Variants in AKNA observed in about 807,000 individuals in gnomAD.
The protein encoded by AKNA is AT-hook transcription factor, also known as microtubule organization protein AKNA.
AKNA carries 67 observed loss-of-function variants against 138.8 expected under a neutral mutation model. The ratio of observed to expected loss-of-function variants is 0.48; its 90% confidence interval spans 0.40 to 0.59. The LOEUF is 0.59. Ranked by LOEUF, AKNA falls within the 20% of genes least tolerant of loss-of-function variation. AKNA has a pLI of 0.00. For synonymous variants in AKNA, 737 were observed against 754.4 expected, an observed-to-expected ratio of 0.98 and a Z score of 0.38; for missense variants, 1,813 against 1,880.4, an observed-to-expected ratio of 0.96 and a Z score of 0.66.
At chr9:114,346,430 T>G (rs1394242377) in intron 17 of AKNA, among the ~76,000 whole-genome samples, 1 of 152,234 alleles carries the variant, frequency 6.6e-6, no homozygotes, top group Non-Finnish European at 1.5e-5. Flanking sequence ...AATATGACCA[T>G]CTTGCAGTGG....
intron 4 of AKNA, among the ~76,000 whole-genome samples, 155 bp downstream of exon 4, chr9:114,373,938 T>C (rs549941374): frequency 7.1e-6 from 1 of 140,508 alleles, no homozygotes; most frequent in Admixed American, 7.1e-5. Flanking sequence ...CTGCCCAAGG[T>C]CACAGAGGGA....
chr9:114,332,837 C>T (rs770038835), downstream of AKNA, among the ~76,000 whole-genome samples: 7 of 152,168 alleles, frequency 4.6e-5, no homozygotes. Context: ...CAGTAAATGC[C>T]AGTGGTTCTT....
Position 114,345,172 on chromosome 9 carries a change from GTTCAAGAGA to G in AKNA, c.3661+682_3661+690del, listed in dbSNP as rs1278925985. 10 of 152,100 alleles carry G rather than the reference GTTCAAGAGA, an allele frequency of 6.6e-5. No homozygotes were observed. The South Asian group carries it at 1.9e-3, about 28-fold the overall frequency. The allele number at this position is 152,100 out of a possible 1,614,324, so 9.4% of individuals were successfully genotyped here. A position where few individuals can be genotyped will look rare whatever the true frequency, so the allele number is the denominator to read the frequency against. On this transcript the variant is annotated intron_variant, in intron 18 of 21. Coordinates refer to ENST00000374088, the MANE Select transcript of AKNA (RefSeq NM_001317950.2). ...GCTCACTGCAACCTCTGCCTCCTGG[GTTCAAGAGA>G]TTCTTGTGCCTCAGCCTCCCAAATA...
intron 6 of AKNA, among the ~76,000 whole-genome samples, chr9:114,365,839 T>G (rs1457751752): frequency 1.3e-5 from 2 of 152,268 alleles, no homozygotes; most frequent in Non-Finnish European, 1.5e-5. Flanking sequence ...CAGTCACATG[T>G]GGCCAGCAGC....
At chr9:114,357,790 T>C in intron 12 of AKNA, 131 bp downstream of exon 12, 2 of 1,431,390 alleles carry the variant, frequency 1.4e-6, no homozygotes, top group Non-Finnish European at 1.9e-6. Context: ...GGTGGGATTG[T>C]GGCTGGCAGG....
chr9:114,349,693 C>T (rs757152257), intron 15 of AKNA, among the ~76,000 whole-genome samples: 2 of 152,212 alleles, frequency 1.3e-5, no homozygotes, highest in African/African-American at 4.8e-5. Flanking sequence ...CTCCCCTTAC[C>T]CATGGCCTTC....
downstream of AKNA, chr9:114,331,575 C>T (rs201320192): frequency 1.2e-5 from 20 of 1,613,238 alleles, no homozygotes; most frequent in South Asian, 1.4e-4. Context: ...AGAGGGAGGC[C>T]GAGAACATGT....
At position 114,362,496 on chromosome 9, in the gene AKNA, T is replaced by C; in HGVS notation, c.1826A>G (p.Glu609Gly). 1 of 1,613,458 alleles carries C rather than the reference T, an allele frequency of 6.2e-7. No homozygotes were observed. The highest frequency in any genetic ancestry group is 2.2e-5 in the East Asian group (1 of 44,856). The change falls in exon 8 of 22, where the codon GAG becomes GGG. Residue 609 changes from glutamate (E) to glycine (G), a missense_variant. By Grantham distance (98) the Glu-to-Gly change is moderately conservative. Transcript: ENST00000374088. Reference protein sequence around the residue: ...QRLKAAHAALEEEYLKACREQ... With the variant: ...QRLKAAHAALGEEYLKACREQ... Reference sequence around the variant, plus strand: ...CCGACAAGCCTTCAGGTACTCCTCCTCTAGGGCCGCGTGGGCAGCCTTCAG... The same window carrying C: ...CCGACAAGCCTTCAGGTACTCCTCCCCTAGGGCCGCGTGGGCAGCCTTCAG...
rs551452333 is a variant in AKNA at position 114,363,671 on chromosome 9, A to G, written c.1788+889T>C. 2.0e-5 allele frequency among the ~76,000 whole-genome samples: 3 copies of G among 152,164 alleles called. No homozygotes were observed. In the East Asian group the frequency reaches 5.8e-4, roughly 29 times the overall value. ...TCCCACCCTGCTCTGTGCTTTGAGC[A>G]TCAGGGCTGTCTACCTGCTGGCTTC... On this transcript the variant is annotated intron_variant, in intron 7 of 21. Coordinates refer to ENST00000374088, the MANE Select transcript of AKNA (RefSeq NM_001317950.2).
intron 8 of AKNA, 110 bp downstream of exon 8, chr9:114,362,296 T>C (rs1832025791): frequency 7.1e-7 from 1 of 1,411,190 alleles, no homozygotes; most frequent in African/African-American, 1.4e-5. Flanking sequence ...AAGATTTCTC[T>C]CTATTCCCCG....
intron 5 of AKNA, among the ~76,000 whole-genome samples, 172 bp from the exon 6 acceptor site, chr9:114,367,869 T>C (rs1419973161): frequency 6.6e-6 from 1 of 152,190 alleles, no homozygotes; most frequent in Non-Finnish European, 1.5e-5. Flanking sequence ...TGTCCCCCAT[T>C]TACAAGGGAG....
intron 5 of AKNA, 155 bp downstream of exon 5, chr9:114,368,284 G>T: frequency 1.2e-6 from 1 of 827,170 alleles, no homozygotes; most frequent in Non-Finnish European, 1.7e-6. Flanking sequence ...CCACATCTCT[G>T]ACCCTTTTGA....
intron 14 of AKNA, among the ~76,000 whole-genome samples, chr9:114,354,260 A>T (rs1235758067): frequency 6.6e-6 from 1 of 152,120 alleles, no homozygotes; most frequent in Non-Finnish European, 1.5e-5. Flanking sequence ...ACAGACACAC[A>T]CACACATTAG....
Position 114,355,960 on chromosome 9 carries a change from T to C in AKNA, c.3023A>G (p.Asn1008Ser). The C allele has an allele frequency of 2.5e-6, 4 of 1,614,202 alleles. No individual in the cohort carries two copies. The highest frequency in any genetic ancestry group is 3.4e-6 in the Non-Finnish European group (4 of 1,180,034). ...PSGPLRQRAP[N>S]FSLERTLAAE... ...TGCCAGTGTCCGCTCCAGGCTGAAG[T>C]TGGGTGCCCTCTGCCGGAGAGGCCC... The change falls in exon 14 of 22, where the codon AAC becomes AGC. Residue 1008 changes from asparagine to serine, a missense_variant. Asn to Ser is a conservative substitution (Grantham distance 46). Transcript: ENST00000374088.
chr9:114,352,848 G>T (rs1416613799), intron 14 of AKNA, among the ~76,000 whole-genome samples: 2 of 152,066 alleles, frequency 1.3e-5, no homozygotes, highest in Non-Finnish European at 2.9e-5. Flanking sequence ...TTGAACCCGG[G>T]AGGTGGATGT....
intron 6 of AKNA, among the ~76,000 whole-genome samples, chr9:114,367,232 T>C (rs1276505740): frequency 6.6e-6 from 1 of 152,102 alleles, no homozygotes; most frequent in South Asian, 2.1e-4. Flanking sequence ...CCTTCCAGAA[T>C]CCTGAAAGAG....
chr9:114,350,296 C>T (rs1338094262), intron 15 of AKNA, among the ~76,000 whole-genome samples: 1 of 152,166 alleles, frequency 6.6e-6, no homozygotes, highest in African/African-American at 2.4e-5. Context: ...CTTGGCTGGG[C>T]CACCACCGAG....
intron 12 of AKNA, among the ~76,000 whole-genome samples, chr9:114,357,362 G>A (rs972367319): frequency 6.6e-6 from 1 of 152,210 alleles, no homozygotes; most frequent in African/African-American, 2.4e-5. Flanking sequence ...CCAAGGCATT[G>A]GAAAAACGAG....
At chr9:114,361,671 G>A (rs1242781189) in intron 9 of AKNA, 33 bp downstream of exon 9, 3 of 1,608,192 alleles carry the variant, frequency 1.9e-6, no homozygotes, top group Admixed American at 3.3e-5. Flanking sequence ...AATGCACGAG[G>A]GAACAGCCCA....
Sources: allele counts gnomAD v4.1 joint callset (sites outside exome capture counted in the v4.1 genomes callset), GRCh38; gene constraint gnomAD v4.1.1; transcripts MANE v1.5; gene names NCBI Gene and HGNC (gene_info 2026-07-23, HGNC 2026-07-21).